SKAP2: variants seen among roughly 807,000 people sequenced by gnomAD.
SKAP2 encodes src kinase-associated phosphoprotein 2.
Under a neutral mutation model 54.9 loss-of-function variants are expected in SKAP2, and 28 were observed. The ratio of observed to expected loss-of-function variants is 0.51; its 90% CI spans 0.38 to 0.70. The LOEUF (loss-of-function observed/expected upper bound fraction) is 0.70. SKAP2 is among the 30% of genes least tolerant of loss of function. The pLI, the probability that SKAP2 is intolerant of heterozygous loss-of-function variation, is 0.00. For missense variants in SKAP2, 356 were observed against 424.1 expected (o/e 0.84, Z 1.41); for synonymous variants, 137 against 134.3 (o/e 1.02, Z -0.14).
intron 4 of SKAP2, among the ~76,000 whole-genome samples, chr7:26,837,804 C>T (rs900585601): frequency 7.2e-6 from 1 of 139,300 alleles, no homozygotes; most frequent in Non-Finnish European, 1.6e-5. Context: ...CTTTTCAGTA[C>T]AATATCCACC....
At chr7:26,750,162 G>A (rs1782649740) in intron 4 of SKAP2, among the ~76,000 whole-genome samples, 1 of 152,050 alleles carries the variant, frequency 6.6e-6, no homozygotes, top group Non-Finnish European at 1.5e-5. Flanking sequence ...TATAGAAACC[G>A]TGTCAGACAA....
intron 4 of SKAP2, among the ~76,000 whole-genome samples, chr7:26,789,490 T>C (rs1258856337): frequency 2.6e-5 from 4 of 152,228 alleles, no homozygotes; most frequent in African/African-American, 7.2e-5. Flanking sequence ...ATTCAATTGT[T>C]TGTGTTACAG....
chr7:26,744,755 AAC>A (rs944490580), intron 4 of SKAP2, among the ~76,000 whole-genome samples: 3 of 150,298 alleles, frequency 2.0e-5, no homozygotes, highest in African/African-American at 2.5e-5. Context: ...CACACACACA[AAC>A]ACACACACAC....
chr7:26,854,702 A>G (rs1584428899), intron 2 of SKAP2, 83 bp downstream of exon 2: 22 of 1,360,388 alleles, frequency 1.6e-5, no homozygotes, highest in Non-Finnish European at 1.8e-5. Context: ...ATTTAACTCC[A>G]TAATAATCGA....
Position 26,726,925 on chromosome 7 carries a change from TC to T in SKAP2, c.550del (p.Asp184IlefsTer31), listed in dbSNP as rs765592333. ...NNTLRKDGKK[D>X]CCFEISAPDK... ...AGGAGCAGAGATTTCAAAACAGCAA[TC>T]TTTCTTTCCATCCTTTCTTAGAGTG... On this transcript the variant is annotated frameshift_variant, in exon 7 of 13. Transcript: ENST00000345317. LOFTEE classifies it high-confidence loss of function. 2 of 1,610,944 alleles carry T rather than the reference TC, an allele frequency of 1.2e-6. No homozygotes were observed. The highest frequency in any genetic ancestry group is 1.7e-6 in the Non-Finnish European group (2 of 1,178,334).
At chr7:26,812,218 A>G (rs746788284) in intron 4 of SKAP2, among the ~76,000 whole-genome samples, 36 of 152,162 alleles carry the variant, frequency 2.4e-4, no homozygotes, top group South Asian at 4.1e-4. Flanking sequence ...TAAAATGGCT[A>G]TGTCTTAGTA....
At chr7:26,712,679 C>A (rs1473412979) in intron 9 of SKAP2, among the ~76,000 whole-genome samples, 3 of 152,160 alleles carry the variant, frequency 2.0e-5, no homozygotes, top group Admixed American at 2.0e-4. Flanking sequence ...CCATCAACCA[C>A]TTATGCTTAT....
chr7:26,836,365 C>T (rs1784711821), intron 4 of SKAP2, among the ~76,000 whole-genome samples: 1 of 152,168 alleles, frequency 6.6e-6, no homozygotes, highest in Non-Finnish European at 1.5e-5. Flanking sequence ...AACTAAAGAG[C>T]TTCTGCACAG....
intron 3 of SKAP2, among the ~76,000 whole-genome samples, chr7:26,851,804 A>T (rs1785050798): frequency 1.3e-5 from 2 of 152,010 alleles, no homozygotes; most frequent in East Asian, 3.9e-4. Flanking sequence ...AGTAGAAGGG[A>T]AGGATTTGTG....
intron 4 of SKAP2, among the ~76,000 whole-genome samples, chr7:26,744,849 T>C (rs1782528630): frequency 6.6e-6 from 1 of 152,092 alleles, no homozygotes; most frequent in Non-Finnish European, 1.5e-5. Context: ...GTGCAATGAC[T>C]CAGAGACATT....
At position 26,704,729 on chromosome 7, in the gene SKAP2, G is replaced by A. The variant is rs565797861; in HGVS notation, c.797-14367C>T. Among the ~76,000 whole-genome samples, 3 of 152,322 alleles carry A rather than the reference G, an allele frequency of 2.0e-5. No individual in the cohort carries two copies. The East Asian group carries it at 5.8e-4, about 29-fold the overall frequency. ...AAGGTAGAACCTGCAGGGGGAAGAA[G>A]GGGAGGTTAGGCATGTAAAACTCAT... On this transcript the variant is annotated intron_variant, in intron 9 of 12. Coordinates refer to ENST00000345317, the MANE Select transcript of SKAP2 (RefSeq NM_003930.5).
chr7:26,775,781 A>G (rs1221958837), intron 4 of SKAP2, among the ~76,000 whole-genome samples: 1 of 152,200 alleles, frequency 6.6e-6, no homozygotes, highest in African/African-American at 2.4e-5. Flanking sequence ...ATGGAATTAT[A>G]CAGTATGTAA....
intron 4 of SKAP2, among the ~76,000 whole-genome samples, chr7:26,746,066 T>A (rs1356254976): frequency 6.6e-6 from 1 of 152,164 alleles, no homozygotes; most frequent in Non-Finnish European, 1.5e-5. Context: ...ATAATCCCAA[T>A]GCACTGTAAT....
intron 1 of SKAP2, among the ~76,000 whole-genome samples, chr7:26,864,159 C>A (rs1237353850): frequency 2.0e-5 from 3 of 151,438 alleles, no homozygotes; most frequent in African/African-American, 7.3e-5. Context: ...CCACCATCCC[C>A]GCACCAAATT....
At chr7:26,834,665 T>C (rs1049100013) in intron 4 of SKAP2, among the ~76,000 whole-genome samples, 3 of 152,162 alleles carry the variant, frequency 2.0e-5, no homozygotes, top group African/African-American at 4.8e-5. Flanking sequence ...AATCTCTGAA[T>C]AGACCCATAA....
intron 7 of SKAP2, 85 bp from the exon 8 acceptor site, chr7:26,726,071 T>C: frequency 1.2e-6 from 1 of 837,674 alleles, no homozygotes; most frequent in South Asian, 1.6e-5. Context: ...TTTAAGACTA[T>C]TAGTAATTCT....
At chr7:26,694,904 G>C (rs1213355919) in intron 9 of SKAP2, among the ~76,000 whole-genome samples, 1 of 152,008 alleles carries the variant, frequency 6.6e-6, no homozygotes, top group African/African-American at 2.4e-5. Flanking sequence ...TTGCAAATCT[G>C]TCTAGCTATG....
chr7:26,830,890 G>A (rs1486052391), intron 4 of SKAP2, among the ~76,000 whole-genome samples: 1 of 151,530 alleles, frequency 6.6e-6, no homozygotes, highest in African/African-American at 2.4e-5. Context: ...TATTAACAGG[G>A]CATTTATTTG....
At chr7:26,761,458 A>G (rs1486162578) in intron 4 of SKAP2, among the ~76,000 whole-genome samples, 2 of 152,244 alleles carry the variant, frequency 1.3e-5, no homozygotes, top group African/African-American at 4.8e-5. Flanking sequence ...TCTTTTTCAG[A>G]TACTAAGCAA....
Sources: allele counts gnomAD v4.1 joint callset (sites outside exome capture counted in the v4.1 genomes callset), GRCh38; gene constraint gnomAD v4.1.1; transcripts MANE v1.5; gene names NCBI Gene and HGNC (gene_info 2026-07-23, HGNC 2026-07-21).